MAPK8IP3: variants seen among roughly 807,000 people sequenced by gnomAD.
MAPK8IP3 encodes C-Jun-amino-terminal kinase-interacting protein 3.
In MAPK8IP3, 49 loss-of-function variants were observed where a neutral mutation model predicts 157.8. The ratio of observed to expected loss-of-function variants is 0.31; its 90% CI spans 0.25 to 0.39. MAPK8IP3 has a LOEUF of 0.39. Ranked by LOEUF, MAPK8IP3 falls within the 10% of genes least tolerant of loss-of-function variation. MAPK8IP3 has a pLI of 1.00. For missense variants in MAPK8IP3, 1,478 were observed against 1,889.4 expected (o/e 0.78, Z 4.04); for synonymous variants, 897 against 777.7 (o/e 1.15, Z -2.55).
At chr16:1,764,639 TG>T (rs1427116093) in intron 19 of MAPK8IP3, among the ~76,000 whole-genome samples, 180 bp downstream of exon 19, 1 of 152,160 alleles carries the variant, frequency 6.6e-6, no homozygotes, top group Non-Finnish European at 1.5e-5. Flanking sequence ...AGCCGCCTTC[TG>T]GGTTTTCAGT....
intron 1 of MAPK8IP3, among the ~76,000 whole-genome samples, chr16:1,719,681 A>C (rs991698326): frequency 4.6e-5 from 7 of 151,344 alleles, no homozygotes; most frequent in Non-Finnish European, 8.8e-5. Flanking sequence ...AAAAAAAAAA[A>C]AAAAAACCAC....
intron 4 of MAPK8IP3, among the ~76,000 whole-genome samples, chr16:1,740,975 C>T (rs2040638733): frequency 6.6e-6 from 1 of 152,210 alleles, no homozygotes; most frequent in Admixed American, 6.5e-5. Context: ...GCTCCACAAG[C>T]ACTGCCTTGG....
intron 10 of MAPK8IP3, among the ~76,000 whole-genome samples, chr16:1,759,205 G>A (rs574862170): frequency 1.3e-5 from 2 of 152,314 alleles, no homozygotes; most frequent in South Asian, 2.1e-4. Context: ...TTGAAGGCCC[G>A]AGGAGGGCAG....
At position 1,731,025 on chromosome 16, in the gene MAPK8IP3, A is replaced by C. The variant is rs866014805; in HGVS notation, c.602+1447A>C. The stretch of plus-strand genomic sequence containing the variant: ...TGTGGTGGCACATGCCTGTAGTCCC[A>C]GCTACTAGAGAGGCTGAGGCAGGAG... On this transcript the variant is annotated intron_variant, in intron 4 of 31. Transcript: ENST00000610761. Among the ~76,000 whole-genome samples the C allele has an allele frequency of 4.6e-5, 7 of 152,102 alleles. No individual in the cohort carries two copies. In the South Asian group the frequency reaches 1.5e-3, roughly 32 times the overall value.
chr16:1,743,848 G>C lies in MAPK8IP3; in HGVS notation c.747+372G>C. On this transcript the variant is annotated intron_variant, in intron 5 of 31. Transcript: ENST00000610761. The surrounding 1 kb of genome is among the most constrained non-coding windows in gnomAD (Gnocchi z 5.6). ...CTCATGCTCACCCGGGCTCCAGCCA[G>C]ACACATCCTGCCCCTGAGAGCCACG... is the stretch of plus-strand genomic sequence containing the variant. 1 of 1,110,636 alleles carries C rather than the reference G, an allele frequency of 9.0e-7. No homozygotes were observed. The highest frequency in any genetic ancestry group is 1.1e-6 in the Non-Finnish European group (1 of 907,772). The allele number at this position is 1,110,636 out of a possible 1,614,324, so 68.8% of individuals were successfully genotyped here. A position where few individuals can be genotyped will look rare whatever the true frequency, so the allele number is the denominator to read the frequency against.
Position 1,724,502 on chromosome 16 carries a change from C to A in MAPK8IP3, c.319-55C>A. The A allele has an allele frequency of 6.3e-7, 1 of 1,581,910 alleles. No homozygotes were observed. Among genetic ancestry groups the A allele is most frequent in the Non-Finnish European group, 8.6e-7 (1 of 1,160,830 alleles). ...AGCCTGCGGCCCTTCAAGTGAAAGG[C>A]GGCTGCTCCACACTCACTCCTGATG... On this transcript the variant is annotated intron_variant, in intron 1 of 31. Coordinates refer to ENST00000610761, the MANE Select transcript of MAPK8IP3 (RefSeq NM_001318852.2). This position sits in a 1 kb window ranked among gnomAD's most constrained non-coding sequence, Gnocchi z 4.1.
Position 1,758,075 on chromosome 16 carries a change from T to G in MAPK8IP3, c.1217-73T>G. ...TGGGTTTTCTGTAATAAGAATGTATTGTTAGTTCCAGTCCCTAATTGACCT... is the reference window on the plus strand; with the variant it reads ...TGGGTTTTCTGTAATAAGAATGTATGGTTAGTTCCAGTCCCTAATTGACCT... On this transcript the variant is annotated intron_variant, in intron 8 of 31. Transcript: ENST00000610761. The G allele has an allele frequency of 4.1e-6, 6 of 1,470,892 alleles. No homozygotes were observed. In the Admixed American group the frequency reaches 1.0e-4, roughly 25 times the overall value. 91.1% of individuals were successfully genotyped at this position (1,470,892 alleles called of 1,614,324 possible). A position where few individuals can be genotyped will look rare whatever the true frequency, so the allele number is the denominator to read the frequency against.
intron 1 of MAPK8IP3, chr16:1,707,823 G>A (rs2037499354): frequency 6.6e-6 from 1 of 152,216 alleles, no homozygotes; most frequent in Non-Finnish European, 1.5e-5. Context: ...TAGGAAATGA[G>A]CTTCAATTCC....
intron 8 of MAPK8IP3, among the ~76,000 whole-genome samples, chr16:1,749,406 A>G (rs4786518): frequency 0.22 from 32,880 of 151,792 alleles, 3,739 homozygotes; most frequent in East Asian, 0.35. Context: ...CTCGCCGCAC[A>G]CCCTAGGACC....
chr16:1,712,826 G>T lies in MAPK8IP3; in HGVS notation c.318+6169G>T, dbSNP rs573409537. Among the ~76,000 whole-genome samples, 6 of 152,264 alleles carry T rather than the reference G, an allele frequency of 3.9e-5. No homozygotes were observed. In the South Asian group the frequency reaches 1.0e-3, roughly 26 times the overall value. The stretch of plus-strand genomic sequence containing the variant: ...GCCGGATTCGCTGGTGTCTGCCTCC[G>T]CAGTGCACCTGCAGAGAAGCCCCCA... On this transcript the variant is annotated intron_variant, in intron 1 of 31. Coordinates refer to ENST00000610761, the MANE Select transcript of MAPK8IP3 (RefSeq NM_001318852.2).
At chr16:1,734,570 C>T (rs377577007) in intron 4 of MAPK8IP3, among the ~76,000 whole-genome samples, 30 of 152,246 alleles carry the variant, frequency 2.0e-4, no homozygotes, top group African/African-American at 7.0e-4. Context: ...GCACGGCCCC[C>T]CTCCCCTGTC....
At chr16:1,739,108 CTGTG>C (rs1172195529) in intron 4 of MAPK8IP3, among the ~76,000 whole-genome samples, 117 of 118,682 alleles carry the variant, frequency 9.9e-4, no homozygotes, top group African/African-American at 3.0e-3. Flanking sequence ...GTGTGACCGT[CTGTG>C]TGAGCATCCG....
intron 2 of MAPK8IP3, among the ~76,000 whole-genome samples, chr16:1,727,537 G>A (rs757523989): frequency 5.3e-5 from 8 of 151,956 alleles, no homozygotes; most frequent in Non-Finnish European, 7.4e-5. Flanking sequence ...TAAGTCGTGC[G>A]TGTGAGGTGC....
At position 1,753,183 on chromosome 16, in the gene MAPK8IP3, G is replaced by T. The variant is rs1663146947; in HGVS notation, c.1216+4463G>T. The stretch of plus-strand genomic sequence containing the variant: ...GCACCTCTCTCAGCATTTTTACTCT[G>T]AGTTCCTTTGGTGATGGAGAAATAA... On this transcript the variant is annotated intron_variant, in intron 8 of 31. Transcript: ENST00000610761. Among the ~76,000 whole-genome samples the T allele has an allele frequency of 5.3e-5, 8 of 152,324 alleles. 1 individual carries two copies. In the South Asian group the frequency reaches 1.7e-3, roughly 32 times the overall value.
At position 1,769,186 on chromosome 16, in the gene MAPK8IP3, A is replaced by C. The variant is rs2042467785; in HGVS notation, c.*362A>C. 3.7e-6 allele frequency: 1 copy of C among 268,390 alleles called. No homozygotes were observed. The highest frequency in any genetic ancestry group is 7.3e-6 in the Non-Finnish European group (1 of 137,740). The allele number at this position is 268,390 out of a possible 1,614,324, so 16.6% of individuals were successfully genotyped here. On this transcript the variant is annotated 3_prime_UTR_variant, in exon 32 of 32. Coordinates refer to ENST00000610761, the MANE Select transcript of MAPK8IP3 (RefSeq NM_001318852.2). ...TCCTACTCCCCAGCACCCCTGGAGG[A>C]GGCAGGGGCTCCCCGCCGCCGAGGC...
At chr16:1,729,813 C>T (rs913783426) in intron 4 of MAPK8IP3, among the ~76,000 whole-genome samples, 16 of 152,214 alleles carry the variant, frequency 1.1e-4, no homozygotes, top group African/African-American at 3.1e-4. Flanking sequence ...CCCTTCTGCT[C>T]GGTCCACAAT....
intron 30 of MAPK8IP3, 21 bp from the exon 31 acceptor site, chr16:1,768,456 G>C: frequency 6.3e-7 from 1 of 1,582,708 alleles, no homozygotes; most frequent in Non-Finnish European, 8.5e-7. Context: ...CCGCTGTCCT[G>C]AATCGCTTCT....
At chr16:1,722,064 C>A (rs370177199) in intron 1 of MAPK8IP3, among the ~76,000 whole-genome samples, 1 of 152,214 alleles carries the variant, frequency 6.6e-6, no homozygotes, top group Non-Finnish European at 1.5e-5. Flanking sequence ...GCCACCGCAC[C>A]CAGACAACTT....
In MAPK8IP3 at chr16:1,769,467, C is replaced by G. The variant is rs938789978; in HGVS notation, c.*643C>G. 1.3e-5 allele frequency: 2 copies of G among 153,892 alleles called. No homozygotes were observed. Among genetic ancestry groups the G allele is most frequent in the African/African-American group, 4.8e-5 (2 of 41,458 alleles). The allele number at this position is 153,892 out of a possible 1,614,324, so 9.5% of individuals were successfully genotyped here. On this transcript the variant is annotated 3_prime_UTR_variant, in exon 32 of 32. Coordinates refer to ENST00000610761, the MANE Select transcript of MAPK8IP3 (RefSeq NM_001318852.2). ...AAGCACGAGGCCCGGCTCCCTGGGG[C>G]AGCTGCTTGAGAACAGAGACTGCTA...
Sources: allele counts gnomAD v4.1 joint callset (sites outside exome capture counted in the v4.1 genomes callset), GRCh38; gene constraint gnomAD v4.1.1; non-coding constraint Gnocchi (gnomAD v3.1); transcripts MANE v1.5; gene names NCBI Gene and HGNC (gene_info 2026-07-23, HGNC 2026-07-21).